Variants in SNAP47 observed in about 807,000 individuals in gnomAD.
SNAP47 encodes synaptosome associated protein 47.
In SNAP47, 20 loss-of-function variants were observed where a neutral mutation model predicts 31.4. The observed-to-expected ratio is 0.64, with a 90% CI of 0.45 to 0.93. The LOEUF (loss-of-function observed/expected upper bound fraction) is 0.93. Ranked by LOEUF, SNAP47 falls within the 40% of genes least tolerant of loss-of-function variation. The pLI is 0.00. For synonymous variants in SNAP47, 194 were observed against 213.4 expected, an observed-to-expected ratio of 0.91 and a Z score of 0.79; for missense variants, 492 against 528.5, an observed-to-expected ratio of 0.93 and a Z score of 0.68.
chr1:227,747,576 C>A, intron 1 of SNAP47, 116 bp from the exon 2 acceptor site: 1 of 1,035,992 alleles, frequency 9.7e-7, no homozygotes, highest in Non-Finnish European at 1.4e-6. Context: ...CGAGAGTCAG[C>A]CACGTGCTGC....
chr1:227,758,938 G>T, intron 2 of SNAP47, 57 bp from the exon 3 acceptor site: 2 of 1,527,396 alleles, frequency 1.3e-6, no homozygotes, highest in South Asian at 2.7e-5. Context: ...AAAAAAAAAG[G>T]TATTACTCCT....
chr1:227,740,703 G>T (rs907454644), intron 1 of SNAP47, among the ~76,000 whole-genome samples: 3 of 152,182 alleles, frequency 2.0e-5, no homozygotes, highest in Non-Finnish European at 4.4e-5. Context: ...GTGGTCTTGG[G>T]GTGGAGGGTG....
In SNAP47 at chr1:227,771,067, C is replaced by T. The variant is rs140681101; in HGVS notation, c.1113+3984C>T. Among the ~76,000 whole-genome samples the T allele has an allele frequency of 2.9e-3, 434 of 152,274 alleles. 1 individual carries two copies. The highest frequency in any genetic ancestry group is 9.9e-3 in the African/African-American group (411 of 41,546). ...GGCACTGAACGCAGCACCCACCCTC[C>T]GAGGCTAGCCAGGCAGGAGTGGGCC... On this transcript the variant is annotated intron_variant, in intron 4 of 4. Coordinates refer to ENST00000617596, the MANE Select transcript of SNAP47 (RefSeq NM_053052.4).
chr1:227,734,030 T>C, upstream of SNAP47: 1 of 1,612,734 alleles, frequency 6.2e-7, no homozygotes, highest in Non-Finnish European at 8.5e-7. Context: ...CACCGGAAAG[T>C]CCCTGTGAGG....
chr1:227,741,846 A>G lies in SNAP47; in HGVS notation c.-45-5846A>G, dbSNP rs1661625942. Among the ~76,000 whole-genome samples, 1 of 152,076 alleles carries G rather than the reference A, an allele frequency of 6.6e-6. No homozygotes were observed. The highest frequency in any genetic ancestry group is 2.1e-4 in the South Asian group (1 of 4,824). On this transcript the variant is annotated intron_variant, in intron 1 of 4. Transcript: ENST00000617596. This position sits in a 1 kb window ranked among gnomAD's most constrained non-coding sequence, Gnocchi z 4.2. Reference sequence around the variant, plus strand: ...CGTTGACTAAGGTTTTCTGGGAAAGAAGCCCTGGAAACCTGCAGTTGGAAA... The same window carrying G: ...CGTTGACTAAGGTTTTCTGGGAAAGGAGCCCTGGAAACCTGCAGTTGGAAA...
intron 4 of SNAP47, among the ~76,000 whole-genome samples, chr1:227,767,565 T>C (rs7555241): frequency 0.12 from 18,239 of 152,108 alleles, 1,586 homozygotes; most frequent in East Asian, 0.38. Flanking sequence ...GTTGTGTGTG[T>C]TGTGTGTGTA....
intron 3 of SNAP47, among the ~76,000 whole-genome samples, chr1:227,764,894 A>C (rs1663293089): frequency 6.6e-6 from 1 of 151,690 alleles, no homozygotes; most frequent in African/African-American, 2.4e-5. Flanking sequence ...ACAGAGCAAG[A>C]CTCTGTCTCA....
chr1:227,758,226 C>A (rs1662812659), intron 2 of SNAP47, among the ~76,000 whole-genome samples: 1 of 152,122 alleles, frequency 6.6e-6, no homozygotes, highest in Non-Finnish European at 1.5e-5. Context: ...AGACGCATGG[C>A]TGCAGTCTGC....
intron 3 of SNAP47, among the ~76,000 whole-genome samples, chr1:227,766,499 A>G (rs998436285): frequency 2.0e-5 from 3 of 151,738 alleles, no homozygotes; most frequent in Non-Finnish European, 4.4e-5. Flanking sequence ...GCTCTGACTC[A>G]CCTCCCACCT....
At chr1:227,755,535 C>T (rs1409671807) in intron 2 of SNAP47, among the ~76,000 whole-genome samples, 2 of 152,106 alleles carry the variant, frequency 1.3e-5, no homozygotes, top group Non-Finnish European at 2.9e-5. Context: ...AACAGGTGCA[C>T]ACCACCATGC....
At chr1:227,735,621 G>A (rs928298475) in intron 1 of SNAP47, 122 bp downstream of exon 1, 98 of 1,326,344 alleles carry the variant, frequency 7.4e-5, no homozygotes, top group Non-Finnish European at 8.9e-5. Flanking sequence ...TCCCCGGGGG[G>A]TGGGGGGTAT....
In SNAP47 at chr1:227,780,787, G is replaced by A; in HGVS notation, c.*114G>A. On this transcript the variant is annotated 3_prime_UTR_variant, in exon 5 of 5. Transcript: ENST00000617596. ...TGGCCCTCCGGAGTGGTCTTCCTCT[G>A]GATGGGGCTGCTACTGTGGGGCTGC... 4.2e-6 allele frequency: 6 copies of A among 1,430,254 alleles called. No homozygotes were observed. The South Asian group carries it at 6.6e-5, about 16-fold the overall frequency. The allele number at this position is 1,430,254 out of a possible 1,614,324, so 88.6% of individuals were successfully genotyped here. A position where few individuals can be genotyped will look rare whatever the true frequency, so the allele number is the denominator to read the frequency against.
At chr1:227,737,051 T>G (rs1661257264) in intron 1 of SNAP47, among the ~76,000 whole-genome samples, 1 of 152,206 alleles carries the variant, frequency 6.6e-6, no homozygotes, top group Non-Finnish European at 1.5e-5. Flanking sequence ...GGCCCTGGAT[T>G]GGGTTGAAGC....
rs142914459 is a variant in SNAP47, at chr1:227,772,321, C to T, written c.1113+5238C>T. On this transcript the variant is annotated intron_variant, in intron 4 of 4. Transcript: ENST00000617596. ...GCACAGAAACAGTTTCTGTGAGACACGAACCCACGTTTCTGCCCCAGCCCC... is the reference window on the plus strand; with the variant it reads ...GCACAGAAACAGTTTCTGTGAGACATGAACCCACGTTTCTGCCCCAGCCCC... 7.4e-4 allele frequency among the ~76,000 whole-genome samples: 112 copies of T among 152,216 alleles called. 1 individual carries two copies. The East Asian group carries it at 0.018, about 25-fold the overall frequency.
At chr1:227,732,363 C>G (rs1373968155), upstream of SNAP47, 3 of 1,603,826 alleles carry the variant, frequency 1.9e-6, no homozygotes, top group African/African-American at 2.7e-5. Context: ...GCCTCTCTTC[C>G]ACCCGTCCTT....
At chr1:227,771,678 C>T (rs1365396585) in intron 4 of SNAP47, among the ~76,000 whole-genome samples, 1 of 148,342 alleles carries the variant, frequency 6.7e-6, no homozygotes, top group African/African-American at 2.5e-5. Flanking sequence ...CCACCCCCAC[C>T]CTCTGCTTTT....
intron 4 of SNAP47, among the ~76,000 whole-genome samples, chr1:227,773,376 G>A (rs1207306780): frequency 6.6e-6 from 1 of 152,162 alleles, no homozygotes; most frequent in East Asian, 1.9e-4. Flanking sequence ...TATAGTGTTT[G>A]TGTTTGAAAT....
At chr1:227,769,296 G>T in intron 4 of SNAP47, among the ~76,000 whole-genome samples, 1 of 152,176 alleles carries the variant, frequency 6.6e-6, no homozygotes, top group Non-Finnish European at 1.5e-5. Context: ...CCAAGGTATG[G>T]GGTTGGGAGG....
At chr1:227,755,272 C>T (rs1401068348) in intron 2 of SNAP47, among the ~76,000 whole-genome samples, 9 of 152,222 alleles carry the variant, frequency 5.9e-5, no homozygotes, top group Non-Finnish European at 1.3e-4. Flanking sequence ...GGCGCGATCA[C>T]AGCTCATTCC....
Sources: gnomAD v4.1 joint callset for allele counts (sites outside exome capture counted in the v4.1 genomes callset) on GRCh38, gnomAD v4.1.1 for gene constraint, Gnocchi (gnomAD v3.1) non-coding constraint, MANE v1.5 for transcripts, NCBI Gene and HGNC (gene_info 2026-07-23, HGNC 2026-07-21) for gene names.